Variants in HCN1 observed in about 807,000 individuals in gnomAD.
HCN1 encodes hyperpolarization activated cyclic nucleotide gated potassium channel 1.
HCN1 carries 13 observed loss-of-function variants against 78.9 expected under a neutral mutation model. The observed-to-expected ratio is 0.16, with a 90% CI of 0.11 to 0.26. The LOEUF (loss-of-function observed/expected upper bound fraction) is 0.26, where lower values mean the gene tolerates loss of function less well. Ranked by LOEUF, HCN1 falls within the 10% of genes least tolerant of loss-of-function variation. The pLI is 1.00. For missense variants in HCN1, 810 were observed against 1,154.3 expected (o/e 0.70, Z 4.32); for synonymous variants, 552 against 455.5 (o/e 1.21, Z -2.70).
intron 3 of HCN1, among the ~76,000 whole-genome samples, chr5:45,441,467 C>A (rs1740679883): frequency 6.6e-6 from 1 of 151,946 alleles, no homozygotes; most frequent in African/African-American, 2.4e-5. Flanking sequence ...TTAATACATC[C>A]TAATCTCAAG....
chr5:45,432,431 T>C (rs756854995), intron 3 of HCN1, among the ~76,000 whole-genome samples: 100 of 152,132 alleles, frequency 6.6e-4, no homozygotes, highest in Non-Finnish European at 9.9e-4. Flanking sequence ...TTTCCTTCTC[T>C]AGTCTGATTG....
intron 6 of HCN1, among the ~76,000 whole-genome samples, chr5:45,301,343 T>A (rs1202671646): frequency 6.6e-6 from 1 of 151,316 alleles, no homozygotes; most frequent in Non-Finnish European, 1.5e-5. Context: ...AGAATATGTA[T>A]AATAATAAAA....
intron 1 of HCN1, among the ~76,000 whole-genome samples, chr5:45,689,569 A>T (rs1056896112): frequency 6.6e-6 from 1 of 152,168 alleles, no homozygotes; most frequent in Non-Finnish European, 1.5e-5. Context: ...AGAGTATTTC[A>T]AGCTTGGGGG....
In HCN1 at chr5:45,481,264, A is replaced by G. The variant is rs374158535; in HGVS notation, c.850-19257T>C. Among the ~76,000 whole-genome samples the G allele has an allele frequency of 8.5e-4, 130 of 152,342 alleles. 3 individuals are homozygous for G. In the South Asian group the frequency reaches 0.027, roughly 31 times the overall value. On this transcript the variant is annotated intron_variant, in intron 2 of 7. Transcript: ENST00000303230. ...GCTGCTGATATCTCTCATGAACACC[A>G]ACAAGGATGTATATACCACGTTTTC...
At chr5:45,278,248 T>G (rs1048941605) in intron 6 of HCN1, among the ~76,000 whole-genome samples, 2 of 152,124 alleles carry the variant, frequency 1.3e-5, no homozygotes, top group Admixed American at 6.6e-5. Context: ...TACAATGAGT[T>G]CTTCAAGTTC....
At chr5:45,309,662 C>T (rs563080293) in intron 5 of HCN1, among the ~76,000 whole-genome samples, 220 of 152,098 alleles carry the variant, frequency 1.4e-3, no homozygotes, top group African/African-American at 4.0e-3. Context: ...TGTGATGAAT[C>T]ACATTTATTG....
intron 2 of HCN1, among the ~76,000 whole-genome samples, chr5:45,531,699 T>G (rs1182155706): frequency 6.6e-6 from 1 of 152,182 alleles, no homozygotes; most frequent in Non-Finnish European, 1.5e-5. Context: ...TGTCTTGTAG[T>G]TTACTTTGTA....
Position 45,260,122 on chromosome 5 carries a change from G to GT in HCN1, c.*1798dup, listed in dbSNP as rs1561078050. ...ACAGGCAGCAAGGATCCACTTTAGA[G>GT]TTTCTGCTTTTGTTTTTGTTTTCTG... is the stretch of plus-strand genomic sequence containing the variant. On this transcript the variant is annotated 3_prime_UTR_variant, in exon 8 of 8. Transcript: ENST00000303230. 6.6e-6 allele frequency: 1 copy of GT among 152,238 alleles called. No homozygotes were observed. Among genetic ancestry groups the GT allele is most frequent in the African/African-American group, 2.4e-5 (1 of 41,456 alleles). The allele number at this position is 152,238 out of a possible 1,614,324, so 9.4% of individuals were successfully genotyped here.
intron 3 of HCN1, among the ~76,000 whole-genome samples, chr5:45,444,582 GT>G (rs903305556): frequency 1.3e-5 from 2 of 151,710 alleles, no homozygotes; most frequent in Admixed American, 6.6e-5. Context: ...CCTTATCCTT[GT>G]TTTTTTCTGA....
chr5:45,260,472 G>C lies in HCN1; in HGVS notation c.*1449C>G, dbSNP rs563375323. On this transcript the variant is annotated 3_prime_UTR_variant, in exon 8 of 8. Transcript: ENST00000303230. ...ACCCCTGCTTTCTGTCACCATGTCT[G>C]TACTATTTTCAACACATTAAAAATG... 2 of 152,254 alleles carry C rather than the reference G, an allele frequency of 1.3e-5. No individual in the cohort carries two copies. Among genetic ancestry groups the C allele is most frequent in the Admixed American group, 1.3e-4 (2 of 15,286 alleles). 9.4% of individuals were successfully genotyped at this position (152,254 alleles called of 1,614,324 possible). A position where few individuals can be genotyped will look rare whatever the true frequency, so the allele number is the denominator to read the frequency against.
chr5:45,499,198 G>T (rs1742132896), intron 2 of HCN1, among the ~76,000 whole-genome samples: 1 of 152,184 alleles, frequency 6.6e-6, no homozygotes, highest in Admixed American at 6.5e-5. Flanking sequence ...CCGCCTTGCA[G>T]TTTGATCTCA....
chr5:45,346,553 G>A (rs1331705648), intron 5 of HCN1, among the ~76,000 whole-genome samples: 1 of 152,166 alleles, frequency 6.6e-6, no homozygotes, highest in East Asian at 1.9e-4. Flanking sequence ...AGCTGAAGCA[G>A]GGCGAGGCAC....
At chr5:45,468,342 T>A (rs1329566524) in intron 2 of HCN1, among the ~76,000 whole-genome samples, 1 of 152,132 alleles carries the variant, frequency 6.6e-6, no homozygotes, top group African/African-American at 2.4e-5. Flanking sequence ...TTATCAATCA[T>A]GAGTTGTAAA....
At chr5:45,307,967 A>T (rs1042119667) in intron 5 of HCN1, among the ~76,000 whole-genome samples, 13 of 152,082 alleles carry the variant, frequency 8.5e-5, no homozygotes, top group Non-Finnish European at 1.9e-4. Context: ...TTGGCACTTC[A>T]TGTCTCATGC....
chr5:45,441,348 G>A (rs1005441316), intron 3 of HCN1, among the ~76,000 whole-genome samples: 2 of 135,834 alleles, frequency 1.5e-5, no homozygotes, highest in African/African-American at 2.7e-5. Context: ...ATGAAAGGAA[G>A]AAATGAAGGA....
intron 1 of HCN1, among the ~76,000 whole-genome samples, chr5:45,683,099 T>C (rs1260297319): frequency 6.6e-6 from 1 of 151,420 alleles, no homozygotes; most frequent in Non-Finnish European, 1.5e-5. Context: ...GGATTTCTGA[T>C]TTCAGTTATT....
At chr5:45,370,453 AC>A (rs1303962284) in intron 4 of HCN1, among the ~76,000 whole-genome samples, 1 of 152,076 alleles carries the variant, frequency 6.6e-6, no homozygotes, top group Non-Finnish European at 1.5e-5. Flanking sequence ...ATAGTAGAAA[AC>A]AGCACATATA....
intron 1 of HCN1, among the ~76,000 whole-genome samples, chr5:45,653,915 TATA>T (rs1580021571): frequency 6.6e-6 from 1 of 151,908 alleles, no homozygotes; most frequent in African/African-American, 2.4e-5. Flanking sequence ...AACTTAAAAG[TATA>T]ATAATAATAA....
intron 6 of HCN1, among the ~76,000 whole-genome samples, chr5:45,282,299 G>C (rs530402574): frequency 2.6e-5 from 4 of 152,130 alleles, no homozygotes; most frequent in Non-Finnish European, 5.9e-5. Flanking sequence ...TGTAAAACAT[G>C]TTGTTGTTAC....
Sources: gnomAD v4.1 joint callset for allele counts (sites outside exome capture counted in the v4.1 genomes callset) on GRCh38, gnomAD v4.1.1 for gene constraint, MANE v1.5 for transcripts, NCBI Gene and HGNC (gene_info 2026-07-23, HGNC 2026-07-21) for gene names.